Variants in PDE1C observed in about 807,000 individuals in gnomAD.
PDE1C encodes dual specificity calcium/calmodulin-dependent 3',5'-cyclic nucleotide phosphodiesterase 1C.
A neutral mutation model predicts 93.1 loss-of-function variants in PDE1C; 62 were observed. The observed-to-expected ratio is 0.67, with a 90% CI of 0.54 to 0.82. PDE1C has a LOEUF of 0.82. Ranked by LOEUF, PDE1C falls within the 40% of genes least tolerant of loss-of-function variation. PDE1C has a pLI of 0.00. For missense variants in PDE1C, 742 were observed against 884.6 expected (o/e 0.84, Z 2.04); for synonymous variants, 325 against 310.1 (o/e 1.05, Z -0.50).
At chr7:31,787,586 A>G (rs1255342222) in intron 16 of PDE1C, 1 of 151,802 alleles carries the variant, frequency 6.6e-6, no homozygotes, top group African/African-American at 2.4e-5. Flanking sequence ...TGTAGAGCGC[A>G]TGGTTTCGTC....
chr7:32,338,808 C>G (rs1295251796), intron 1 of PDE1C, among the ~76,000 whole-genome samples: 2 of 152,068 alleles, frequency 1.3e-5, no homozygotes, highest in African/African-American at 2.4e-5. Context: ...TCGAGACCAT[C>G]CTGGCTAACA....
the PDE1C span, among the ~76,000 whole-genome samples, chr7:31,733,588 C>T: frequency 3.3e-5 from 5 of 152,186 alleles, no homozygotes; most frequent in Non-Finnish European, 5.9e-5. Context: ...TCATACATTG[C>T]CATTTATATT....
chr7:31,954,780 A>G (rs1441349341), intron 2 of PDE1C, among the ~76,000 whole-genome samples: 1 of 152,184 alleles, frequency 6.6e-6, no homozygotes, highest in African/African-American at 2.4e-5. Flanking sequence ...GCCACCAAAA[A>G]GGTTTTTGCT....
chr7:32,033,610 T>C (rs929250539), intron 2 of PDE1C, among the ~76,000 whole-genome samples: 1 of 152,072 alleles, frequency 6.6e-6, no homozygotes, highest in Admixed American at 6.6e-5. Flanking sequence ...CCTGAACCAC[T>C]GAGACAAATA....
rs1480772233 is a variant in PDE1C, at chr7:31,831,508, AC to A, written c.1204-3136del. On this transcript the variant is annotated intron_variant, in intron 11 of 17. Transcript: ENST00000396191. ...CACACACACATGCACGCACACACACACACACACACACGCACATACACACCGC... is the reference window on the plus strand; with the variant it reads ...CACACACACATGCACGCACACACACAACACACACACGCACATACACACCGC... 3.1e-4 allele frequency among the ~76,000 whole-genome samples: 46 copies of A among 149,832 alleles called. 1 individual carries two copies. The highest frequency in any genetic ancestry group is 2.3e-3 in the South Asian group (11 of 4,722).
At chr7:32,420,124 TAC>T (rs1156625491) in intron 1 of PDE1C, among the ~76,000 whole-genome samples, 249 of 13,066 alleles carry the variant, frequency 0.019, 27 homozygotes, top group East Asian at 0.037. Context: ...TATATATATA[TAC>T]ACACACACAC....
intron 3 of PDE1C, among the ~76,000 whole-genome samples, chr7:32,084,611 TC>T (rs1268251355): frequency 6.6e-6 from 1 of 151,648 alleles, no homozygotes. Context: ...AGTAAAGCTC[TC>T]CTCAGCAAAT....
intron 2 of PDE1C, among the ~76,000 whole-genome samples, chr7:31,962,931 G>A (rs865855083): frequency 6.6e-6 from 1 of 152,130 alleles, no homozygotes; most frequent in Admixed American, 6.6e-5. Flanking sequence ...GAAAAGACAC[G>A]TCTACCTAGC....
At chr7:31,654,948 C>T in the PDE1C span, among the ~76,000 whole-genome samples, 2 of 152,128 alleles carry the variant, frequency 1.3e-5, no homozygotes, top group Non-Finnish European at 2.9e-5. Flanking sequence ...GGGACCACCA[C>T]ACTATTTTTC....
intron 16 of PDE1C, 127 bp downstream of exon 16, chr7:31,808,904 G>C: frequency 1.7e-6 from 1 of 581,130 alleles, no homozygotes; most frequent in Non-Finnish European, 3.1e-6. Flanking sequence ...TTTAAATATA[G>C]TGAAGGGTTT....
chr7:32,314,653 A>G lies in PDE1C; in HGVS notation c.311-105114T>C, dbSNP rs1783130515. 2.0e-5 allele frequency among the ~76,000 whole-genome samples: 3 copies of G among 152,198 alleles called. No homozygotes were observed. The South Asian group carries it at 6.2e-4, about 32-fold the overall frequency. ...CCTCAGTAACAAAGAATGGAATTAT[A>G]GAGTTAGGTTTTCTTACTGTGGTTC... On this transcript the variant is annotated intron_variant, in intron 1 of 1. Transcript: ENST00000672256.
At chr7:31,967,399 G>A (rs1032970730) in intron 2 of PDE1C, among the ~76,000 whole-genome samples, 6 of 152,100 alleles carry the variant, frequency 3.9e-5, no homozygotes, top group African/African-American at 1.4e-4. Context: ...ACTCTCCCAA[G>A]ACTAAACCAG....
chr7:31,883,117 A>T (rs1431850392), intron 2 of PDE1C, among the ~76,000 whole-genome samples: 1 of 152,232 alleles, frequency 6.6e-6, no homozygotes, highest in Non-Finnish European at 1.5e-5. Context: ...GCAATTTAAT[A>T]ACAGTACCAA....
intron 1 of PDE1C, among the ~76,000 whole-genome samples, chr7:32,309,439 C>A (rs1813109902): frequency 6.6e-6 from 1 of 152,086 alleles, no homozygotes; most frequent in African/African-American, 2.4e-5. Flanking sequence ...CTCCAAGACA[C>A]ATAATTGTCA....
intron 3 of PDE1C, among the ~76,000 whole-genome samples, chr7:32,089,826 A>G (rs1012721249): frequency 6.6e-6 from 1 of 152,174 alleles, no homozygotes; most frequent in Admixed American, 6.5e-5. Flanking sequence ...CCTACAAATC[A>G]CATATCTGGG....
At chr7:31,782,313 A>C (rs535660406) in intron 16 of PDE1C, among the ~76,000 whole-genome samples, 1 of 152,232 alleles carries the variant, frequency 6.6e-6, no homozygotes, top group Admixed American at 6.5e-5. Context: ...GTAAAAATGC[A>C]TAGCGAAAGA....
chr7:32,033,607 C>G (rs916275178), intron 2 of PDE1C, among the ~76,000 whole-genome samples: 3 of 152,186 alleles, frequency 2.0e-5, no homozygotes, highest in African/African-American at 7.2e-5. Context: ...CACCCTGAAC[C>G]ACTGAGACAA....
intron 3 of PDE1C, among the ~76,000 whole-genome samples, chr7:32,132,969 C>CTAAGATAGGGAATAT (rs1169594892): frequency 6.6e-6 from 1 of 151,868 alleles, no homozygotes; most frequent in Non-Finnish European, 1.5e-5. Context: ...CTGCCATTTA[C>CTAAGATAGGGAATAT]TAAGATAGGG....
At chr7:31,855,859 G>C (rs779939398) in intron 7 of PDE1C, among the ~76,000 whole-genome samples, 6 of 147,896 alleles carry the variant, frequency 4.1e-5, no homozygotes, top group African/African-American at 1.5e-4. Flanking sequence ...AAGGAAAATG[G>C]CCAAGGGATA....
Sources: allele counts gnomAD v4.1 joint callset (sites outside exome capture counted in the v4.1 genomes callset), GRCh38; gene constraint gnomAD v4.1.1; transcripts MANE v1.5; gene names NCBI Gene and HGNC (gene_info 2026-07-23, HGNC 2026-07-21).